STEAP1B: variants seen among roughly 807,000 people sequenced by gnomAD.
STEAP1B encodes STEAP family protein MGC87042.
In STEAP1B, 13 loss-of-function variants were observed where a neutral mutation model predicts 27.9. The observed-to-expected ratio is 0.47, with a 90% CI of 0.30 to 0.74. The LOEUF is 0.74. Ranked by LOEUF, STEAP1B falls within the 30% of genes least tolerant of loss-of-function variation. The pLI is 0.06. For missense variants in STEAP1B, 250 were observed against 298.7 expected, an observed-to-expected ratio of 0.84 and a Z score of 1.20; for synonymous variants, 86 against 107.1, an observed-to-expected ratio of 0.80 and a Z score of 1.22.
At position 22,431,980 on chromosome 7, in the gene STEAP1B, C is replaced by T. The variant is rs371723088; in HGVS notation, c.763-12144G>A. Among the ~76,000 whole-genome samples the T allele has an allele frequency of 1.1e-4, 17 of 152,280 alleles. No individual in the cohort carries two copies. In the East Asian group the frequency reaches 3.1e-3, roughly 28 times the overall value. Reference sequence around the variant, plus strand: ...CTTGCTATGGTCTGAATGTTTGCGTCTCTCCAAAATTCATATATTGAAATC... The same window carrying T: ...CTTGCTATGGTCTGAATGTTTGCGTTTCTCCAAAATTCATATATTGAAATC... On this transcript the variant is annotated intron_variant, in intron 4 of 4. Coordinates refer to ENST00000678116, the MANE Select transcript of STEAP1B (RefSeq NM_001382447.1).
intron 4 of STEAP1B, among the ~76,000 whole-genome samples, chr7:22,486,091 GC>G (rs1786203776): frequency 6.6e-6 from 1 of 152,188 alleles, no homozygotes; most frequent in Non-Finnish European, 1.5e-5. Context: ...TGCCCATTCT[GC>G]ACCTCAGACC....
intron 4 of STEAP1B, among the ~76,000 whole-genome samples, chr7:22,474,912 A>G (rs1413614295): frequency 6.6e-6 from 1 of 152,196 alleles, no homozygotes; most frequent in Admixed American, 6.5e-5. Flanking sequence ...CAGAAAGCTC[A>G]TCATTATAGA....
intron 4 of STEAP1B, among the ~76,000 whole-genome samples, chr7:22,448,802 C>A (rs1025686806): frequency 2.0e-5 from 3 of 152,084 alleles, no homozygotes; most frequent in Non-Finnish European, 4.4e-5. Context: ...GAAATTAATT[C>A]TCTGAGATAC....
intron 1 of STEAP1B, among the ~76,000 whole-genome samples, chr7:22,498,805 C>T (rs1786485515): frequency 7.2e-6 from 1 of 139,756 alleles, no homozygotes; most frequent in Non-Finnish European, 1.6e-5. Context: ...TGACTGATTG[C>T]CACTACAAAG....
intron 1 of STEAP1B, among the ~76,000 whole-genome samples, chr7:22,499,901 C>A (rs1295931497): frequency 6.6e-6 from 1 of 152,250 alleles, no homozygotes; most frequent in East Asian, 1.9e-4. Flanking sequence ...GGCCCGGCCA[C>A]AACCCAGCTG....
chr7:22,446,102 TCAAAA>T (rs1785405903), intron 4 of STEAP1B, among the ~76,000 whole-genome samples: 1 of 152,240 alleles, frequency 6.6e-6, no homozygotes. Context: ...CAGTTGTCGT[TCAAAA>T]TGTGACAGTA....
chr7:22,484,755 T>C (rs1302426193), intron 4 of STEAP1B, among the ~76,000 whole-genome samples: 2 of 152,252 alleles, frequency 1.3e-5, no homozygotes, highest in Non-Finnish European at 2.9e-5. Context: ...AGATTTACCA[T>C]TTTAGATGCC....
At chr7:22,434,472 T>C (rs1368139103) in intron 4 of STEAP1B, among the ~76,000 whole-genome samples, 2 of 152,198 alleles carry the variant, frequency 1.3e-5, no homozygotes, top group African/African-American at 4.8e-5. Flanking sequence ...AATTCTTGAA[T>C]GTTTCCTTTC....
At chr7:22,451,705 G>A (rs1384420514) in intron 4 of STEAP1B, among the ~76,000 whole-genome samples, 2 of 152,086 alleles carry the variant, frequency 1.3e-5, no homozygotes, top group African/African-American at 2.4e-5. Flanking sequence ...TGTGTATGTT[G>A]AACAATCCTT....
chr7:22,422,412 T>A (rs760665467), intron 4 of STEAP1B, among the ~76,000 whole-genome samples: 1 of 152,152 alleles, frequency 6.6e-6, no homozygotes, highest in Admixed American at 6.5e-5. Context: ...TCTAAAAGAA[T>A]AGTTCCCCAA....
intron 4 of STEAP1B, among the ~76,000 whole-genome samples, chr7:22,457,298 T>A (rs1458387317): frequency 6.6e-6 from 1 of 151,984 alleles, no homozygotes; most frequent in Non-Finnish European, 1.5e-5. Flanking sequence ...AATTAGGAAT[T>A]AGGAAGCAGA....
chr7:22,478,679 TG>T (rs907798457), intron 4 of STEAP1B, among the ~76,000 whole-genome samples: 4 of 151,800 alleles, frequency 2.6e-5, no homozygotes, highest in African/African-American at 9.7e-5. Context: ...AAATCTTACT[TG>T]GGGGGGGCTT....
intron 4 of STEAP1B, among the ~76,000 whole-genome samples, chr7:22,425,633 C>T (rs1161078095): frequency 6.6e-6 from 1 of 152,216 alleles, no homozygotes; most frequent in Non-Finnish European, 1.5e-5. Flanking sequence ...TACACTATTT[C>T]ACCAGAGCCA....
chr7:22,468,918 T>C lies in STEAP1B; in HGVS notation c.762+23647A>G, dbSNP rs148480115. Among the ~76,000 whole-genome samples the C allele has an allele frequency of 1.0e-3, 159 of 152,388 alleles. No individual in the cohort carries two copies. The East Asian group carries it at 0.026, about 25-fold the overall frequency. On this transcript the variant is annotated intron_variant, in intron 4 of 4. Coordinates refer to ENST00000678116, the MANE Select transcript of STEAP1B (RefSeq NM_001382447.1). Reference sequence around the variant, plus strand: ...TACAAAAGCACTGCACATGCAATTATGTACAGTACATAATACTTGCTAATA... The same window carrying C: ...TACAAAAGCACTGCACATGCAATTACGTACAGTACATAATACTTGCTAATA...
intron 4 of STEAP1B, among the ~76,000 whole-genome samples, chr7:22,490,267 A>G (rs183406275): frequency 3.2e-4 from 49 of 152,294 alleles, no homozygotes; most frequent in African/African-American, 1.0e-3. Flanking sequence ...TCCATTGTCT[A>G]TAGTATAAAA....
chr7:22,475,015 G>A (rs1785946433), intron 4 of STEAP1B, among the ~76,000 whole-genome samples: 1 of 152,238 alleles, frequency 6.6e-6, no homozygotes, highest in Non-Finnish European at 1.5e-5. Context: ...TGGAAGATCA[G>A]GTCCCTGATA....
intron 4 of STEAP1B, among the ~76,000 whole-genome samples, chr7:22,489,587 G>C (rs1290849510): frequency 2.6e-5 from 4 of 152,200 alleles, no homozygotes; most frequent in African/African-American, 4.8e-5. Flanking sequence ...TTTGGACACA[G>C]AGACGGACAG....
intron 4 of STEAP1B, among the ~76,000 whole-genome samples, chr7:22,439,997 G>T (rs1785308468): frequency 6.6e-6 from 1 of 152,100 alleles, no homozygotes. Flanking sequence ...TAACTACTTG[G>T]CAAATCAGCC....
intron 4 of STEAP1B, among the ~76,000 whole-genome samples, chr7:22,433,103 CCAGAATCTAA>C (rs1264290378): frequency 1.3e-5 from 2 of 151,796 alleles, no homozygotes; most frequent in Admixed American, 6.6e-5. Flanking sequence ...AAAGAGAATC[CCAGAATCTAA>C]CAGAACCTAA....
Sources: gnomAD v4.1 joint callset for allele counts (sites outside exome capture counted in the v4.1 genomes callset) on GRCh38, gnomAD v4.1.1 for gene constraint, MANE v1.5 for transcripts, NCBI Gene and HGNC (gene_info 2026-07-23, HGNC 2026-07-21) for gene names.